Variants in BSN observed in about 807,000 individuals in gnomAD.
BSN encodes protein bassoon.
A neutral mutation model predicts 264.8 loss-of-function variants in BSN; 57 were observed. The observed-to-expected ratio is 0.22, with a 90% CI of 0.17 to 0.27. The LOEUF is 0.27. BSN is among the 10% of genes least tolerant of loss of function. BSN has a pLI of 1.00. For synonymous variants in BSN, 2,059 were observed against 2,137.3 expected (o/e 0.96, Z 1.01); for missense variants, 4,615 against 5,232.5 (o/e 0.88, Z 3.64).
Position 49,652,520 on chromosome 3 carries a change from C to T in BSN, c.2964C>T (p.Pro988=). 6.2e-7 allele frequency: 1 copy of T among 1,613,756 alleles called. No individual in the cohort carries two copies. Among genetic ancestry groups the T allele is most frequent in the Non-Finnish European group, 8.5e-7 (1 of 1,180,006 alleles). The change falls in exon 5 of 12, where the codon CCC becomes CCT. Residue 988 remains proline, a synonymous_variant. Coordinates refer to ENST00000296452, the MANE Select transcript of BSN (RefSeq NM_003458.4). ...EHSSTLPAST[P]SYTSGTSPTS... ...CCTCTACATTGCCTGCCTCCACACCCAGCTACACCTCGGGCACCTCTCCCA... is the reference window on the plus strand; with the variant it reads ...CCTCTACATTGCCTGCCTCCACACCTAGCTACACCTCGGGCACCTCTCCCA...
intron 1 of BSN, among the ~76,000 whole-genome samples, chr3:49,618,304 G>A (rs1180266196): frequency 3.3e-5 from 5 of 151,900 alleles, no homozygotes; most frequent in African/African-American, 1.2e-4. Context: ...CCCACTAATT[G>A]ACTTCTCTCC....
chr3:49,575,652 G>A (rs2051840532), intron 1 of BSN, among the ~76,000 whole-genome samples: 1 of 66,598 alleles, frequency 1.5e-5, no homozygotes, highest in South Asian at 8.4e-4. Context: ...ATATGTGTGT[G>A]TGTGTGTATA....
intron 1 of BSN, among the ~76,000 whole-genome samples, chr3:49,601,222 G>C (rs746754564): frequency 1.1e-3 from 174 of 152,336 alleles, no homozygotes; most frequent in Admixed American, 3.3e-3. Context: ...TCCAGAGAAA[G>C]GCAGCTAGTG....
At chr3:49,620,039 T>C (rs1157675188) in intron 1 of BSN, among the ~76,000 whole-genome samples, 1 of 152,068 alleles carries the variant, frequency 6.6e-6, no homozygotes, top group African/African-American at 2.4e-5. Flanking sequence ...ATTTGTTATA[T>C]GATGGGTCAG....
In BSN at chr3:49,662,285, C is replaced by T. The variant is rs1432617911; in HGVS notation, c.10440C>T (p.Gly3480=). ...REAVERLQKA[G]PKPSSLSMAH... ...CTGTGGAGCGACTTCAAAAAGCGGG[C>T]CCCAAGCCCTCATCCCTAAGTATGG... is the stretch of plus-strand genomic sequence containing the variant. Residue 3480 remains glycine, a synonymous_variant, in exon 6 of 12, where the codon GGC becomes GGT. Transcript: ENST00000296452. 6.2e-7 allele frequency: 1 copy of T among 1,613,892 alleles called. No homozygotes were observed. Among genetic ancestry groups the T allele is most frequent in the East Asian group, 2.2e-5 (1 of 44,856 alleles).
At chr3:49,607,322 A>G (rs1038931740) in intron 1 of BSN, among the ~76,000 whole-genome samples, 3 of 152,144 alleles carry the variant, frequency 2.0e-5, no homozygotes, top group Non-Finnish European at 4.4e-5. Flanking sequence ...TTGGCACTGT[A>G]TTTCCTCATG....
chr3:49,656,971 G>A lies in BSN; in HGVS notation c.7415G>A (p.Arg2472Gln), dbSNP rs781034873. Residue 2472 changes from arginine to glutamine, a missense_variant, in exon 5 of 12, where the codon CGG (arginine) becomes CAG (glutamine). This residue lies in a region of BSN where 3,415 missense variants were observed against 3,866.4 expected (regional missense o/e 0.88). Transcript: ENST00000296452. ...LQQQLEEQKQ[R>Q]QKAPFPAACE... Reference sequence around the variant, plus strand: ...CAGCAGCTAGAGGAGCAGAAGCAGCGGCAGAAGGCTCCCTTTCCTGCAGCC... The same window carrying A: ...CAGCAGCTAGAGGAGCAGAAGCAGCAGCAGAAGGCTCCCTTTCCTGCAGCC... The A allele has an allele frequency of 2.1e-5, 34 of 1,607,922 alleles. No homozygotes were observed. The highest frequency in any genetic ancestry group is 2.7e-5 in the Non-Finnish European group (32 of 1,176,592).
Position 49,653,800 on chromosome 3 carries a change from C to T in BSN, c.4244C>T (p.Thr1415Ile), listed in dbSNP as rs1159238631. ...GSERSPSPSS[T>I]AHSYGHSPTT... is the part of the protein sequence containing the mutation. ...GAGCGTAGTCCTTCACCATCTTCCACAGCCCACAGCTATGGACACAGCCCA... is the reference window on the plus strand; with the variant it reads ...GAGCGTAGTCCTTCACCATCTTCCATAGCCCACAGCTATGGACACAGCCCA... Residue 1415 changes from threonine (T) to isoleucine (I), a missense_variant, in exon 5 of 12, where the codon ACA becomes ATA. Transcript: ENST00000296452. The surrounding 1 kb of genome is among the most constrained non-coding windows in gnomAD (Gnocchi z 6.3). 6 of 1,614,030 alleles carry T rather than the reference C, an allele frequency of 3.7e-6. No individual in the cohort carries two copies. The Admixed American group carries it at 8.3e-5, about 22-fold the overall frequency.
At chr3:49,587,580 G>A (rs1425954127) in intron 1 of BSN, among the ~76,000 whole-genome samples, 1 of 152,184 alleles carries the variant, frequency 6.6e-6, no homozygotes, top group Non-Finnish European at 1.5e-5. Context: ...CACAGACTGC[G>A]AGCAGGCTAG....
At chr3:49,589,082 A>ATTTTTTTTTTTTT (rs55919876) in intron 1 of BSN, among the ~76,000 whole-genome samples, 2 of 132,456 alleles carry the variant, frequency 1.5e-5, no homozygotes, top group Non-Finnish European at 3.2e-5. Context: ...GCCTGGCTAA[A>ATTTTTTTTTTTTT]TTTTTTTTTT....
Position 49,564,420 on chromosome 3 carries a change from A to C in BSN, c.224+9594A>C, listed in dbSNP as rs555886894. 3.3e-5 allele frequency among the ~76,000 whole-genome samples: 5 copies of C among 152,314 alleles called. No homozygotes were observed. The South Asian group carries it at 1.0e-3, about 32-fold the overall frequency. ...CTATGTTTTCTCTGGTTATACTTAGAGATCCTTTCCAACCTAGTGAGACTC... is the reference window on the plus strand; with the variant it reads ...CTATGTTTTCTCTGGTTATACTTAGCGATCCTTTCCAACCTAGTGAGACTC... On this transcript the variant is annotated intron_variant, in intron 1 of 11. Transcript: ENST00000296452.
rs780934137 is a variant in BSN at position 49,663,679 on chromosome 3, C to T, written c.11508+13C>T. On this transcript the variant is annotated intron_variant, in intron 7 of 11. Transcript: ENST00000296452. ...ACCAGCAGGACCGGTAAGCAGAGCT[C>T]CCATGCATGGGTTGTAACCAGGGAA... 1 of 1,602,362 alleles carries T rather than the reference C, an allele frequency of 6.2e-7. No individual in the cohort carries two copies. Among genetic ancestry groups the T allele is most frequent in the Non-Finnish European group, 8.5e-7 (1 of 1,173,152 alleles).
Position 49,656,653 on chromosome 3 carries a change from G to A in BSN, c.7097G>A (p.Arg2366Gln), listed in dbSNP as rs749253909. The change falls in exon 5 of 12, where the codon CGG becomes CAG. Residue 2366 changes from arginine to glutamine, a missense_variant. Arg to Gln is a conservative substitution (Grantham distance 43, BLOSUM62 1). This residue lies in a region of BSN where 3,415 missense variants were observed against 3,866.4 expected (regional missense o/e 0.88). Transcript: ENST00000296452. ...KEEASQEERQ[R>Q]KQQEQLLQLE... ...GAAGCATCACAGGAGGAGAGGCAGC[G>A]GAAGCAACAGGAGCAGCTGCTCCAG... 4.1e-5 allele frequency: 66 copies of A among 1,607,818 alleles called. 2 individuals carry two copies. In the Middle Eastern group the frequency reaches 3.3e-3, roughly 81 times the overall value.
intron 2 of BSN, among the ~76,000 whole-genome samples, chr3:49,632,634 T>C (rs1427916714): frequency 6.6e-6 from 1 of 151,902 alleles, no homozygotes; most frequent in African/African-American, 2.4e-5. Context: ...TGAAGCCCCA[T>C]CTCTACTAAA....
At position 49,585,669 on chromosome 3, in the gene BSN, A is replaced by G. The variant is rs956293833; in HGVS notation, c.224+30843A>G. ...AACCCCAATTTTTAGTTTTTTGAGA[A>G]ACCTCCAAACTGTTCTTCATAGTGG... On this transcript the variant is annotated intron_variant, in intron 1 of 11. Coordinates refer to ENST00000296452, the MANE Select transcript of BSN (RefSeq NM_003458.4). The surrounding 1 kb of genome is among the most constrained non-coding windows in gnomAD (Gnocchi z 4.7). 5.9e-4 allele frequency among the ~76,000 whole-genome samples: 90 copies of G among 152,112 alleles called. No individual in the cohort carries two copies. Among genetic ancestry groups the G allele is most frequent in the African/African-American group, 2.1e-3 (89 of 41,406 alleles).
intron 2 of BSN, among the ~76,000 whole-genome samples, chr3:49,633,469 A>C (rs1384551655): frequency 3.9e-5 from 6 of 152,194 alleles, no homozygotes; most frequent in Non-Finnish European, 5.9e-5. Flanking sequence ...ACCCTTGTGC[A>C]CTGTTTTTAG....
At chr3:49,567,367 G>A (rs747356619) in intron 1 of BSN, among the ~76,000 whole-genome samples, 4 of 152,088 alleles carry the variant, frequency 2.6e-5, no homozygotes, top group Non-Finnish European at 5.9e-5. Context: ...TGTTGTTACC[G>A]TCATTCTGCA....
intron 1 of BSN, among the ~76,000 whole-genome samples, chr3:49,559,956 G>A (rs777713316): frequency 6.6e-6 from 1 of 152,228 alleles, no homozygotes; most frequent in Non-Finnish European, 1.5e-5. Flanking sequence ...CTAATTGGGA[G>A]CCAAAGAACA....
In BSN at chr3:49,653,632, C is replaced by T. The variant is rs1321822123; in HGVS notation, c.4076C>T (p.Ser1359Phe). 6.2e-7 allele frequency: 1 copy of T among 1,613,728 alleles called. No individual in the cohort carries two copies. Among genetic ancestry groups the T allele is most frequent in the African/African-American group, 1.3e-5 (1 of 74,878 alleles). The change falls in exon 5 of 12, where the codon TCT (serine) becomes TTT (phenylalanine). Residue 1359 changes from serine (S) to phenylalanine (F), a missense_variant. Transcript: ENST00000296452. The surrounding 1 kb of genome is among the most constrained non-coding windows in gnomAD (Gnocchi z 6.3). Reference sequence around the variant, plus strand: ...CAGGACCCCCTCAAGCTGCACAGCTCTCCTGCCTCCCCCAGCTCAGCCTCC... The same window carrying T: ...CAGGACCCCCTCAAGCTGCACAGCTTTCCTGCCTCCCCCAGCTCAGCCTCC... Reference protein sequence around the residue: ...ETQDPLKLHSSPASPSSASKE... With the variant: ...ETQDPLKLHSFPASPSSASKE...
Sources: allele counts gnomAD v4.1 joint callset (sites outside exome capture counted in the v4.1 genomes callset), GRCh38; gene constraint gnomAD v4.1.1; regional missense constraint gnomAD v4.1.1; non-coding constraint Gnocchi (gnomAD v3.1); transcripts MANE v1.5; gene names NCBI Gene and HGNC (gene_info 2026-07-23, HGNC 2026-07-21).